The following NEGR1 variants were observed in gnomAD, a reference collection of about 807,000 sequenced individuals.
NEGR1 encodes neuronal growth regulator 1.
NEGR1 carries 10 observed loss-of-function variants against 40.9 expected under a neutral mutation model. The ratio of observed to expected loss-of-function variants is 0.24; its 90% CI spans 0.15 to 0.42. NEGR1 has a LOEUF of 0.42. Among genes scored for constraint, NEGR1 ranks in the 10% least tolerant of loss-of-function variants. The pLI, the probability that NEGR1 is intolerant of heterozygous loss-of-function variation, is 1.00. For missense variants in NEGR1, 352 were observed against 438.9 expected, an observed-to-expected ratio of 0.80 and a Z score of 1.77; for synonymous variants, 185 against 166.8, an observed-to-expected ratio of 1.11 and a Z score of -0.84.
intron 2 of NEGR1, among the ~76,000 whole-genome samples, chr1:71,858,649 A>G (rs1659854592): frequency 6.6e-6 from 1 of 152,120 alleles, no homozygotes; most frequent in African/African-American, 2.4e-5. Context: ...TGGAAAACAA[A>G]TGAACAAACA....
At position 71,403,768 on chromosome 1, in the gene NEGR1, T is replaced by A; in HGVS notation, c.*3678A>T. 2.7e-6 allele frequency: 1 copy of A among 368,124 alleles called. No homozygotes were observed. The highest frequency in any genetic ancestry group is 4.9e-6 in the Non-Finnish European group (1 of 204,202). 22.8% of individuals were successfully genotyped at this position (368,124 alleles called of 1,614,324 possible). On this transcript the variant is annotated 3_prime_UTR_variant, in exon 7 of 7. Coordinates refer to ENST00000357731, the MANE Select transcript of NEGR1 (RefSeq NM_173808.3). ...GATAAACTGAGTTTATATTCACCTATTGGAAACAGTACAACATATTTTACA... is the reference window on the plus strand; with the variant it reads ...GATAAACTGAGTTTATATTCACCTAATGGAAACAGTACAACATATTTTACA...
At chr1:72,175,744 A>G (rs886377700) in intron 1 of NEGR1, among the ~76,000 whole-genome samples, 4 of 152,086 alleles carry the variant, frequency 2.6e-5, no homozygotes, top group African/African-American at 9.7e-5. Flanking sequence ...AAAATTATTA[A>G]TAATAATTTT....
chr1:72,278,419 G>A (rs1334077585), intron 1 of NEGR1, among the ~76,000 whole-genome samples: 1 of 152,124 alleles, frequency 6.6e-6, no homozygotes, highest in Admixed American at 6.5e-5. Flanking sequence ...TGCAGGCACT[G>A]GGAGAATGTA....
intron 6 of NEGR1, among the ~76,000 whole-genome samples, chr1:71,559,019 G>GTGTGCATATA (rs377263417): frequency 8.8e-6 from 1 of 114,050 alleles, no homozygotes. Context: ...CTGTGTGTGT[G>GTGTGCATATA]TATATATATA....
At chr1:71,589,537 A>T (rs1017435695) in intron 6 of NEGR1, among the ~76,000 whole-genome samples, 5 of 151,988 alleles carry the variant, frequency 3.3e-5, no homozygotes, top group African/African-American at 1.2e-4. Context: ...TTTTCTTTTA[A>T]TTTCTACCTC....
chr1:71,810,741 T>C (rs911617606), intron 2 of NEGR1, among the ~76,000 whole-genome samples: 2 of 151,980 alleles, frequency 1.3e-5, no homozygotes, highest in Admixed American at 6.6e-5. Context: ...GTAGCTCCTC[T>C]CCCTTCTCTC....
intron 1 of NEGR1, among the ~76,000 whole-genome samples, chr1:72,233,304 T>G (rs1288388760): frequency 1.3e-5 from 2 of 152,132 alleles, no homozygotes; most frequent in Non-Finnish European, 2.9e-5. Context: ...TAATTACAAC[T>G]TTTATTTTAG....
intron 6 of NEGR1, among the ~76,000 whole-genome samples, chr1:71,545,186 A>G (rs1647851170): frequency 6.6e-6 from 1 of 151,672 alleles, no homozygotes; most frequent in African/African-American, 2.4e-5. Context: ...TGTGGGGTAC[A>G]AGGTCCCATG....
At chr1:71,721,382 A>T (rs1450249764) in intron 3 of NEGR1, among the ~76,000 whole-genome samples, 1 of 152,244 alleles carries the variant, frequency 6.6e-6, no homozygotes, top group South Asian at 2.1e-4. Context: ...GTAAATATAA[A>T]CTGAATGACA....
intron 1 of NEGR1, among the ~76,000 whole-genome samples, chr1:72,168,721 C>T (rs913768660): frequency 3.3e-5 from 5 of 152,038 alleles, no homozygotes; most frequent in African/African-American, 1.2e-4. Flanking sequence ...AAAAACCTGT[C>T]TCTGCAAAAA....
intron 3 of NEGR1, among the ~76,000 whole-genome samples, chr1:71,731,955 A>ATAC (rs1482242285): frequency 6.6e-6 from 1 of 152,146 alleles, no homozygotes; most frequent in Non-Finnish European, 1.5e-5. Context: ...TATTGTGGAG[A>ATAC]TACTAATTGA....
chr1:71,559,875 G>A (rs759590999), intron 6 of NEGR1, among the ~76,000 whole-genome samples: 5 of 150,742 alleles, frequency 3.3e-5, no homozygotes, highest in East Asian at 2.0e-4. Context: ...AATGCTATGC[G>A]TATTTCTTGT....
intron 6 of NEGR1, chr1:71,461,713 G>A (rs1344003318): frequency 2.0e-5 from 3 of 152,178 alleles, no homozygotes; most frequent in African/African-American, 7.2e-5. Flanking sequence ...TACATTTATG[G>A]CTGATGAGAA....
chr1:72,202,397 T>C (rs1019993562), intron 1 of NEGR1, among the ~76,000 whole-genome samples: 3 of 151,838 alleles, frequency 2.0e-5, no homozygotes, highest in Non-Finnish European at 4.4e-5. Flanking sequence ...AATCAAAAGC[T>C]AGAAATGATT....
chr1:72,211,981 T>C (rs1278600440), intron 1 of NEGR1, among the ~76,000 whole-genome samples: 8 of 151,974 alleles, frequency 5.3e-5, no homozygotes, highest in Admixed American at 4.0e-4. Context: ...GGAAAATGTT[T>C]TTAATATAAA....
intron 4 of NEGR1, among the ~76,000 whole-genome samples, chr1:71,668,891 C>T (rs1652325603): frequency 6.6e-6 from 1 of 152,102 alleles, no homozygotes; most frequent in African/African-American, 2.4e-5. Flanking sequence ...AACATCTTGA[C>T]ATGTGTCAAC....
intron 2 of NEGR1, among the ~76,000 whole-genome samples, chr1:71,843,583 G>A (rs1478454206): frequency 6.6e-6 from 1 of 152,030 alleles, no homozygotes; most frequent in East Asian, 1.9e-4. Flanking sequence ...AATAGATTCT[G>A]AAACTTAAGT....
intron 1 of NEGR1, among the ~76,000 whole-genome samples, chr1:72,232,595 A>G (rs1402405909): frequency 6.6e-6 from 1 of 152,110 alleles, no homozygotes; most frequent in East Asian, 1.9e-4. Flanking sequence ...TGACAGGTTA[A>G]GCAATATTTT....
chr1:72,083,912 T>C (rs1245562429), intron 1 of NEGR1, among the ~76,000 whole-genome samples: 1 of 152,118 alleles, frequency 6.6e-6, no homozygotes, highest in East Asian at 1.9e-4. Flanking sequence ...CCAAAGAGCA[T>C]AGTCTTGAGG....
Sources: allele counts gnomAD v4.1 joint callset (sites outside exome capture counted in the v4.1 genomes callset), GRCh38; gene constraint gnomAD v4.1.1; transcripts MANE v1.5; gene names NCBI Gene and HGNC (gene_info 2026-07-23, HGNC 2026-07-21).